Variants in WWC1 observed in about 807,000 individuals in gnomAD.
The protein encoded by WWC1 is protein KIBRA.
A neutral mutation model predicts 138.4 loss-of-function variants in WWC1; 55 were observed. The observed-to-expected ratio is 0.40, with a 90% confidence interval of 0.32 to 0.50. WWC1 has a LOEUF of 0.50. Among genes scored for constraint, WWC1 ranks in the 20% least tolerant of loss-of-function variants. WWC1 has a pLI of 0.72. For synonymous variants in WWC1, 524 were observed against 564.9 expected, an observed-to-expected ratio of 0.93 and a Z score of 1.03; for missense variants, 1,226 against 1,420.4, an observed-to-expected ratio of 0.86 and a Z score of 2.20.
At position 168,389,597 on chromosome 5, in the gene WWC1, G is replaced by GT. The variant is rs55873477; in HGVS notation, c.433+4204dup. Reference sequence around the variant, plus strand: ...CTTTATGTTTAACTATTGAATTTTTGTTTTTTTTTTTTTTTTTTTTTGTTA... The same window carrying GT: ...CTTTATGTTTAACTATTGAATTTTTGTTTTTTTTTTTTTTTTTTTTTTGTTA... On this transcript the variant is annotated intron_variant, in intron 3 of 22. Coordinates refer to ENST00000265293, the MANE Select transcript of WWC1 (RefSeq NM_015238.3). Among the ~76,000 whole-genome samples the GT allele has an allele frequency of 7.4e-3, 952 of 129,106 alleles. 5 individuals are homozygous for GT. Among genetic ancestry groups the GT allele is most frequent in the African/African-American group, 0.016 (535 of 33,382 alleles). 84.7% of individuals were successfully genotyped at this position (129,106 alleles called of 152,430 possible). A position where few individuals can be genotyped will look rare whatever the true frequency, so the allele number is the denominator to read the frequency against.
At chr5:168,315,959 C>T (rs938477249) in intron 1 of WWC1, among the ~76,000 whole-genome samples, 32 of 152,130 alleles carry the variant, frequency 2.1e-4, no homozygotes, top group African/African-American at 7.7e-4. Flanking sequence ...CAGGGAGACT[C>T]CATAGCTTGA....
At chr5:168,360,430 C>T (rs1775798493) in intron 1 of WWC1, among the ~76,000 whole-genome samples, 2 of 152,234 alleles carry the variant, frequency 1.3e-5, no homozygotes, top group Non-Finnish European at 2.9e-5. Flanking sequence ...GTACCTGCCT[C>T]ACAGAAATAT....
rs546420221 is a variant in WWC1, at chr5:168,327,683, C to T, written c.119+35412C>T. ...CTTTGTCTCTGCAGTAAGGTGAGAC[C>T]TTGCTAGGGCTGTTTGATTGAAGAA... is the stretch of plus-strand genomic sequence containing the variant. On this transcript the variant is annotated intron_variant, in intron 1 of 22. Coordinates refer to ENST00000265293, the MANE Select transcript of WWC1 (RefSeq NM_015238.3). Among the ~76,000 whole-genome samples the T allele has an allele frequency of 3.3e-5, 5 of 152,286 alleles. No individual in the cohort carries two copies. The East Asian group carries it at 5.8e-4, about 18-fold the overall frequency.
intron 21 of WWC1, among the ~76,000 whole-genome samples, chr5:168,465,447 C>T (rs1173759072): frequency 6.8e-6 from 1 of 146,260 alleles, no homozygotes; most frequent in Non-Finnish European, 1.5e-5. Context: ...CGGCTGGCAC[C>T]TCTGCCCTGC....
intron 16 of WWC1, among the ~76,000 whole-genome samples, chr5:168,442,342 C>A (rs1561772578): frequency 1.3e-5 from 2 of 150,818 alleles, no homozygotes; most frequent in East Asian, 2.0e-4. Context: ...GAGCCTCATG[C>A]CTATAATCCC....
Position 168,460,636 on chromosome 5 carries a change from C to G in WWC1, c.2824-14C>G, listed in dbSNP as rs771341499. ...TCTGACCATGTTTAAGATTCCATGA[C>G]TTTTCTCTTGCAGCTGAATCGGAGT... On this transcript the variant is annotated splice_polypyrimidine_tract_variant and intron_variant, in intron 19 of 22. Coordinates refer to ENST00000265293, the MANE Select transcript of WWC1 (RefSeq NM_015238.3). 1 of 1,613,584 alleles carries G rather than the reference C, an allele frequency of 6.2e-7. No homozygotes were observed. The highest frequency in any genetic ancestry group is 1.1e-5 in the South Asian group (1 of 91,064).
intron 3 of WWC1, among the ~76,000 whole-genome samples, chr5:168,385,641 C>T (rs768314243): frequency 1.5e-4 from 23 of 152,144 alleles, no homozygotes; most frequent in Non-Finnish European, 2.1e-4. Context: ...GAATGCCAGT[C>T]GGATTACATA....
intron 1 of WWC1, among the ~76,000 whole-genome samples, chr5:168,310,779 C>T (rs762790089): frequency 4.0e-5 from 6 of 148,674 alleles, no homozygotes; most frequent in Non-Finnish European, 8.9e-5. Flanking sequence ...TCGAGGTTGC[C>T]GTGAGCCATG....
chr5:168,341,790 C>T (rs1000606895), intron 1 of WWC1, among the ~76,000 whole-genome samples: 1 of 152,082 alleles, frequency 6.6e-6, no homozygotes, highest in African/African-American at 2.4e-5. Context: ...CCTTCCCTGG[C>T]CCCTTAAGTG....
chr5:168,391,053 A>T (rs1366987650), intron 3 of WWC1, among the ~76,000 whole-genome samples: 1 of 152,174 alleles, frequency 6.6e-6, no homozygotes, highest in African/African-American at 2.4e-5. Context: ...TCTCAAAATC[A>T]ATTTTCTTAA....
At position 168,397,805 on chromosome 5, in the gene WWC1, G is replaced by A. The variant is rs1405341661; in HGVS notation, c.510+5G>A. On this transcript the variant is annotated splice_donor_5th_base_variant and intron_variant, in intron 4 of 22. Coordinates refer to ENST00000265293, the MANE Select transcript of WWC1 (RefSeq NM_015238.3). ...ATTGCCACTGCAAAATCCCGGGTAG[G>A]ACCTCTTCACCTATGCTATGTGCTA... 1 of 1,613,834 alleles carries A rather than the reference G, an allele frequency of 6.2e-7. No homozygotes were observed. Among genetic ancestry groups the A allele is most frequent in the African/African-American group, 1.3e-5 (1 of 74,902 alleles).
intron 1 of WWC1, among the ~76,000 whole-genome samples, chr5:168,355,628 G>A (rs112427148): frequency 2.1e-4 from 32 of 152,286 alleles, no homozygotes; most frequent in African/African-American, 6.3e-4. Flanking sequence ...CTCTGAGGTG[G>A]GAATGAGGTT....
At position 168,455,166 on chromosome 5, in the gene WWC1, C is replaced by T. The variant is rs113153121; in HGVS notation, c.2659-190C>T. ...CCACGGAGGGGTAGGGGTCGGCACA[C>T]CTAGCCTTGGGTACTGTCCTGGCTG... On this transcript the variant is annotated intron_variant, in intron 18 of 22. Coordinates refer to ENST00000265293, the MANE Select transcript of WWC1 (RefSeq NM_015238.3). 4.6e-3 allele frequency among the ~76,000 whole-genome samples: 705 copies of T among 152,288 alleles called. 4 individuals are homozygous for T. Among genetic ancestry groups the T allele is most frequent in the Middle Eastern group, 6.8e-3 (2 of 294 alleles).
chr5:168,380,636 T>C (rs1270397574), intron 2 of WWC1, among the ~76,000 whole-genome samples: 1 of 152,168 alleles, frequency 6.6e-6, no homozygotes, highest in African/African-American at 2.4e-5. Context: ...AAATTCGACA[T>C]ATACTTGCGA....
intron 21 of WWC1, 113 bp from the exon 22 acceptor site, chr5:168,467,727 C>G (rs761533503): frequency 1.4e-6 from 2 of 1,465,428 alleles, no homozygotes; most frequent in African/African-American, 2.8e-5. Context: ...CCACATGGAG[C>G]AAGAGTGAGG....
At chr5:168,461,979 C>T (rs1486948865) in intron 20 of WWC1, among the ~76,000 whole-genome samples, 1 of 151,794 alleles carries the variant, frequency 6.6e-6, no homozygotes, top group Non-Finnish European at 1.5e-5. Context: ...TTGCTTGAAC[C>T]TGGGAGGCGG....
At chr5:168,429,775 A>G (rs1397488826) in intron 13 of WWC1, among the ~76,000 whole-genome samples, 1 of 151,976 alleles carries the variant, frequency 6.6e-6, no homozygotes, top group Non-Finnish European at 1.5e-5. Flanking sequence ...CTCTACTAAA[A>G]ATACACAAAA....
intron 3 of WWC1, among the ~76,000 whole-genome samples, chr5:168,389,597 G>GTTT (rs55873477): frequency 1.5e-5 from 2 of 129,332 alleles, no homozygotes; most frequent in Admixed American, 8.0e-5. Context: ...TTGAATTTTT[G>GTTT]TTTTTTTTTT....
At chr5:168,321,382 T>C (rs1274201269) in intron 1 of WWC1, among the ~76,000 whole-genome samples, 1 of 152,194 alleles carries the variant, frequency 6.6e-6, no homozygotes. Context: ...TCAGGTGTAC[T>C]GAGGGAGAGA....
Sources: allele counts gnomAD v4.1 joint callset (sites outside exome capture counted in the v4.1 genomes callset), GRCh38; gene constraint gnomAD v4.1.1; transcripts MANE v1.5; gene names NCBI Gene and HGNC (gene_info 2026-07-23, HGNC 2026-07-21).